Variants in SPECC1 observed in about 807,000 individuals in gnomAD.
SPECC1 encodes sperm antigen with calponin homology and coiled-coil domains 1.
In SPECC1, 62 loss-of-function variants were observed where a neutral mutation model predicts 104.1. The ratio of observed to expected loss-of-function variants is 0.60; its 90% CI spans 0.49 to 0.74. SPECC1 has a LOEUF of 0.74. SPECC1 is among the 30% of genes least tolerant of loss of function. SPECC1 has a pLI of 0.00. For missense variants in SPECC1, 1,306 were observed against 1,310.5 expected (o/e 1.00, Z 0.05); for synonymous variants, 513 against 501.6 (o/e 1.02, Z -0.30).
intron 1 of SPECC1, among the ~76,000 whole-genome samples, chr17:20,061,140 C>T (rs1422626097): frequency 1.3e-5 from 2 of 152,208 alleles, no homozygotes; most frequent in Admixed American, 6.5e-5. Context: ...GGCGCGATCT[C>T]GGCTCACTGC....
At chr17:20,307,552 G>C (rs1335948673) in intron 14 of SPECC1, among the ~76,000 whole-genome samples, 1 of 152,214 alleles carries the variant, frequency 6.6e-6, no homozygotes, top group African/African-American at 2.4e-5. Context: ...ATGGTCCCCA[G>C]CTGCAAGGGC....
At chr17:20,123,691 ACT>A (rs1403163248) in intron 3 of SPECC1, among the ~76,000 whole-genome samples, 1 of 152,034 alleles carries the variant, frequency 6.6e-6, no homozygotes, top group Non-Finnish European at 1.5e-5. Context: ...TTTTTCTGCT[ACT>A]CTGTTTGTCT....
intron 1 of SPECC1, among the ~76,000 whole-genome samples, chr17:20,044,352 T>C (rs1447256936): frequency 6.6e-6 from 1 of 152,206 alleles, no homozygotes; most frequent in African/African-American, 2.4e-5. Context: ...AAGGTGACTT[T>C]GTAATCTGTA....
chr17:20,234,285 A>G (rs2038774592), intron 7 of SPECC1, among the ~76,000 whole-genome samples: 1 of 152,326 alleles, frequency 6.6e-6, no homozygotes, highest in Admixed American at 6.5e-5. Context: ...ATGGACACCA[A>G]TGAGAACATG....
At chr17:20,178,267 C>CT (rs1181163849) in intron 3 of SPECC1, among the ~76,000 whole-genome samples, 2 of 152,140 alleles carry the variant, frequency 1.3e-5, no homozygotes, top group African/African-American at 4.8e-5. Flanking sequence ...TGCTTCTCCT[C>CT]TGTTTATTCT....
intron 12 of SPECC1, among the ~76,000 whole-genome samples, chr17:20,295,488 A>C (rs982936107): frequency 3.9e-5 from 6 of 152,270 alleles, no homozygotes; most frequent in African/African-American, 1.2e-4. Flanking sequence ...ATATGTGTGC[A>C]TGTGTCTTTA....
At chr17:20,260,455 G>A (rs972960539) in intron 12 of SPECC1, among the ~76,000 whole-genome samples, 161 bp downstream of exon 12, 7 of 152,150 alleles carry the variant, frequency 4.6e-5, no homozygotes, top group African/African-American at 1.4e-4. Flanking sequence ...TGATATTTGT[G>A]CACTGCCCAA....
intron 3 of SPECC1, chr17:20,156,202 C>A: frequency 6.9e-7 from 1 of 1,446,160 alleles, no homozygotes. Flanking sequence ...CAAGCATGGG[C>A]AACCACTCAG....
intron 1 of SPECC1, among the ~76,000 whole-genome samples, chr17:20,033,761 C>T (rs942763272): frequency 9.9e-5 from 15 of 152,154 alleles, no homozygotes; most frequent in Non-Finnish European, 1.8e-4. Flanking sequence ...CAATAAGGCC[C>T]CACCTCCAGT....
At chr17:20,308,303 T>A (rs1209176837) in intron 14 of SPECC1, among the ~76,000 whole-genome samples, 1 of 147,810 alleles carries the variant, frequency 6.8e-6, no homozygotes, top group Admixed American at 6.9e-5. Flanking sequence ...GCAGGAGAAT[T>A]GCTTGAACCC....
intron 3 of SPECC1, among the ~76,000 whole-genome samples, chr17:20,154,018 A>C (rs2032241251): frequency 1.3e-5 from 2 of 152,214 alleles, no homozygotes; most frequent in Non-Finnish European, 2.9e-5. Context: ...TAAAACTGTG[A>C]CTCTTGTCTT....
rs186991332 is a variant in SPECC1, at chr17:20,016,389, C to T, written c.-22+6965C>T. On this transcript the variant is annotated intron_variant, in intron 1 of 14. Coordinates refer to ENST00000395527, the MANE Select transcript of SPECC1 (RefSeq NM_001243439.2). ...GCGCTTGAGGAGCCCTTCAGCCCAC[C>T]GCTGCACTGTGGGAGCCCCTTTCTG... 2.0e-3 allele frequency among the ~76,000 whole-genome samples: 302 copies of T among 152,286 alleles called. 3 individuals are homozygous for T. Among genetic ancestry groups the T allele is most frequent in the African/African-American group, 7.0e-3 (290 of 41,578 alleles).
chr17:20,045,722 G>T lies in SPECC1; in HGVS notation c.-22+36298G>T, dbSNP rs555537028. Among the ~76,000 whole-genome samples the T allele has an allele frequency of 6.6e-5, 10 of 152,248 alleles. No homozygotes were observed. The South Asian group carries it at 2.1e-3, about 32-fold the overall frequency. On this transcript the variant is annotated intron_variant, in intron 1 of 14. Transcript: ENST00000395527. Reference sequence around the variant, plus strand: ...GTTCCTCCTACTGAGCCCAGACTTGGCAGGGTTGGCCAGGTGTGTGCTTAT... The same window carrying T: ...GTTCCTCCTACTGAGCCCAGACTTGTCAGGGTTGGCCAGGTGTGTGCTTAT...
In SPECC1 at chr17:20,096,743, G is replaced by A; in HGVS notation, c.92G>A (p.Gly31Asp). The change falls in exon 2 of 15, where the codon GGC becomes GAC. Residue 31 changes from glycine (G) to aspartate (D), a missense_variant. This residue lies in a region of SPECC1 where 1,177 missense variants were observed against 1,139.9 expected (regional missense o/e 1.03). Transcript: ENST00000395527. ...CGGCCTCTGCCTGCAGCCTCTTCCGGCATGAAGAGTTCTAAGTCTTCAACT... is the reference window on the plus strand; with the variant it reads ...CGGCCTCTGCCTGCAGCCTCTTCCGACATGAAGAGTTCTAAGTCTTCAACT... ...RVRPLPAASS[G>D]MKSSKSSTSL... 1 of 1,614,212 alleles carries A rather than the reference G, an allele frequency of 6.2e-7. No homozygotes were observed. Among genetic ancestry groups the A allele is most frequent in the Non-Finnish European group, 8.5e-7 (1 of 1,180,032 alleles).
chr17:20,027,906 G>C (rs1369256969), intron 1 of SPECC1, among the ~76,000 whole-genome samples: 1 of 152,022 alleles, frequency 6.6e-6, no homozygotes, highest in Non-Finnish European at 1.5e-5. Flanking sequence ...CCAGCACAAA[G>C]GTTTTTCATT....
At chr17:20,278,037 A>G (rs2040631837) in intron 12 of SPECC1, among the ~76,000 whole-genome samples, 1 of 151,964 alleles carries the variant, frequency 6.6e-6, no homozygotes, top group Non-Finnish European at 1.5e-5. Context: ...ATGGCTTGAA[A>G]ACCCTTAACG....
intron 12 of SPECC1, among the ~76,000 whole-genome samples, chr17:20,282,142 C>T (rs1016131342): frequency 6.6e-6 from 1 of 152,230 alleles, no homozygotes; most frequent in African/African-American, 2.4e-5. Context: ...GGGGAAGAAA[C>T]GCCGTGGGTG....
rs556029169 is a variant in SPECC1 at position 20,065,191 on chromosome 17, T to C, written c.-21-31440T>C. Among the ~76,000 whole-genome samples the C allele has an allele frequency of 7.3e-4, 111 of 152,248 alleles. 1 individual carries two copies. The highest frequency in any genetic ancestry group is 2.5e-3 in the African/African-American group (103 of 41,522). On this transcript the variant is annotated intron_variant, in intron 1 of 14. Transcript: ENST00000395527. ...ACGGAAAAAGACTTCTGTGACCAAA[T>C]GTATGGGGGTTTCTCTATAGAAGTA...
chr17:20,202,847 T>C (rs1283530983), intron 3 of SPECC1, among the ~76,000 whole-genome samples: 1 of 152,208 alleles, frequency 6.6e-6, no homozygotes, highest in Non-Finnish European at 1.5e-5. Flanking sequence ...TATGATATAC[T>C]CTTGGCTTTC....
Sources: allele counts gnomAD v4.1 joint callset (sites outside exome capture counted in the v4.1 genomes callset), GRCh38; gene constraint gnomAD v4.1.1; regional missense constraint gnomAD v4.1.1; transcripts MANE v1.5; gene names NCBI Gene and HGNC (gene_info 2026-07-23, HGNC 2026-07-21).